The following QTMAN variants were observed in gnomAD, a reference collection of about 807,000 sequenced individuals.
QTMAN encodes the protein tRNA-queuosine alpha-mannosyltransferase.
At chr2:144,000,430 C>G in the QTMAN span, among the ~76,000 whole-genome samples, 1 of 151,882 alleles carries the variant, frequency 6.6e-6, no homozygotes. Flanking sequence ...AAAAATGTAA[C>G]TAAAGAAAAC....
the QTMAN span, among the ~76,000 whole-genome samples, chr2:144,105,212 A>T: frequency 6.6e-6 from 1 of 152,226 alleles, no homozygotes; most frequent in Non-Finnish European, 1.5e-5. Flanking sequence ...CCCCCTCCAA[A>T]GGAACGCAGC....
chr2:144,189,997 G>A, the QTMAN span, among the ~76,000 whole-genome samples: 3 of 152,066 alleles, frequency 2.0e-5, no homozygotes, highest in Non-Finnish European at 4.4e-5. Flanking sequence ...TTTTAACATT[G>A]GATATACTTC....
At chr2:144,222,048 T>C in the QTMAN span, among the ~76,000 whole-genome samples, 1 of 152,030 alleles carries the variant, frequency 6.6e-6, no homozygotes, top group Non-Finnish European at 1.5e-5. Flanking sequence ...AGAAGTAAAA[T>C]ATAAACTCAA....
chr2:144,171,374 G>A, the QTMAN span, among the ~76,000 whole-genome samples: 2 of 152,132 alleles, frequency 1.3e-5, no homozygotes, highest in African/African-American at 4.8e-5. Flanking sequence ...GGTCTGAAAT[G>A]ACCATATGTC....
chr2:144,325,838 A>G, the QTMAN span, among the ~76,000 whole-genome samples: 1 of 152,258 alleles, frequency 6.6e-6, no homozygotes, highest in African/African-American at 2.4e-5. Context: ...TTACAAAAAC[A>G]GTTGCAGTCA....
the QTMAN span, among the ~76,000 whole-genome samples, chr2:144,086,408 C>T: frequency 1.3e-5 from 2 of 152,078 alleles, no homozygotes; most frequent in African/African-American, 4.8e-5. Flanking sequence ...TGGCAAGTGT[C>T]GTGATTACAA....
At chr2:144,145,568 C>A in the QTMAN span, 1 of 1,601,388 alleles carries the variant, frequency 6.2e-7, no homozygotes, top group South Asian at 1.1e-5. Context: ...CAATCCATAC[C>A]TACCATGAAA....
the QTMAN span, among the ~76,000 whole-genome samples, chr2:144,199,042 T>C: frequency 2.6e-5 from 4 of 151,656 alleles, no homozygotes; most frequent in Non-Finnish European, 5.9e-5. Context: ...CACTTCTCTG[T>C]ACTGTACTTT....
the QTMAN span, among the ~76,000 whole-genome samples, chr2:144,051,372 A>C: frequency 6.8e-6 from 1 of 147,758 alleles, no homozygotes; most frequent in East Asian, 2.0e-4. Flanking sequence ...CTCTACAAAC[A>C]TTTTTTTTTT....
At chr2:144,312,380 T>C in the QTMAN span, among the ~76,000 whole-genome samples, 6 of 151,946 alleles carry the variant, frequency 3.9e-5, no homozygotes, top group South Asian at 1.2e-3. Context: ...CACAGTCCCT[T>C]CACATGGCAA....
At chr2:144,278,032 A>C in the QTMAN span, among the ~76,000 whole-genome samples, 1 of 152,196 alleles carries the variant, frequency 6.6e-6, no homozygotes, top group Non-Finnish European at 1.5e-5. Context: ...CAGATCCACC[A>C]ATGATGGCAG....
the QTMAN span, among the ~76,000 whole-genome samples, chr2:144,305,820 C>T: frequency 6.6e-6 from 1 of 152,106 alleles, no homozygotes; most frequent in Non-Finnish European, 1.5e-5. Flanking sequence ...TTTCTAGATG[C>T]AATTATAAAT....
At chr2:144,117,432 C>T in the QTMAN span, among the ~76,000 whole-genome samples, 1 of 152,134 alleles carries the variant, frequency 6.6e-6, no homozygotes, top group Non-Finnish European at 1.5e-5. Context: ...ATCTTCATAA[C>T]TCAGCCCATA....
the QTMAN span, chr2:143,952,666 T>C: frequency 2.4e-6 from 2 of 829,892 alleles, no homozygotes; most frequent in Non-Finnish European, 4.1e-6. Context: ...CATGTTGACT[T>C]GCCAAATAAA....
chr2:144,221,612 T>G, the QTMAN span, among the ~76,000 whole-genome samples: 2 of 152,192 alleles, frequency 1.3e-5, no homozygotes, highest in Non-Finnish European at 2.9e-5. Context: ...TGAATATGTT[T>G]CAACTTCAAT....
the QTMAN span, among the ~76,000 whole-genome samples, chr2:144,251,181 AT>A: frequency 3.7e-3 from 559 of 152,264 alleles, 4 homozygotes; most frequent in African/African-American, 0.013. Flanking sequence ...CAAATAATGT[AT>A]TTTTTAAAAA....
At chr2:144,313,191 C>T in the QTMAN span, among the ~76,000 whole-genome samples, 1 of 152,186 alleles carries the variant, frequency 6.6e-6, no homozygotes, top group Non-Finnish European at 1.5e-5. Context: ...AGATTAACAG[C>T]TCCATCGGAA....
chr2:144,110,588 A>G, the QTMAN span, among the ~76,000 whole-genome samples: 10 of 151,758 alleles, frequency 6.6e-5, no homozygotes, highest in Non-Finnish European at 1.3e-4. Context: ...ACATAATAGG[A>G]CTGTCCCAAT....
the QTMAN span, among the ~76,000 whole-genome samples, chr2:144,004,607 A>C: frequency 6.6e-6 from 1 of 151,678 alleles, no homozygotes; most frequent in South Asian, 2.1e-4. Flanking sequence ...CTGCGATGGA[A>C]CTCTAATGGG....
Sources: gnomAD v4.1 joint callset for allele counts (sites outside exome capture counted in the v4.1 genomes callset) on GRCh38, gnomAD v4.1.1 for gene constraint, MANE v1.5 for transcripts, NCBI Gene and HGNC (gene_info 2026-07-23, HGNC 2026-07-21) for gene names.